The following CCDC92 variants were observed in gnomAD, a reference collection of about 807,000 sequenced individuals.
CCDC92 encodes the protein coiled-coil domain containing 92.
Under a neutral mutation model 24.9 loss-of-function variants are expected in CCDC92, and 12 were observed. That is an observed-to-expected ratio of 0.48 (90% CI 0.31 to 0.78). The LOEUF is 0.78. Among genes scored for constraint, CCDC92 ranks in the 30% least tolerant of loss-of-function variants. CCDC92 has a pLI of 0.05. For missense variants in CCDC92, 399 were observed against 439.4 expected, an observed-to-expected ratio of 0.91 and a Z score of 0.82; for synonymous variants, 193 against 196.3, an observed-to-expected ratio of 0.98 and a Z score of 0.14.
chr12:123,956,251 A>G (rs1295678534), intron 1 of CCDC92: 2 of 152,242 alleles, frequency 1.3e-5, no homozygotes, highest in Admixed American at 6.5e-5. Flanking sequence ...ATATTTTTAA[A>G]AGATAAACTT....
intron 1 of CCDC92, among the ~76,000 whole-genome samples, chr12:123,954,065 T>A (rs775392593): frequency 1.3e-5 from 2 of 152,248 alleles, no homozygotes. Flanking sequence ...TCTTTAATGA[T>A]GAACATATAG....
intron 1 of CCDC92, among the ~76,000 whole-genome samples, chr12:123,969,303 C>G (rs1956465369): frequency 6.6e-6 from 1 of 152,010 alleles, no homozygotes. Flanking sequence ...ATTTTAAAAA[C>G]CATGCAGACA....
chr12:123,948,518 GA>G (rs1955941493), intron 1 of CCDC92, among the ~76,000 whole-genome samples: 1 of 152,226 alleles, frequency 6.6e-6, no homozygotes, highest in Admixed American at 6.5e-5. Context: ...GGGAGAGTGT[GA>G]CCATGTAACG....
chr12:123,946,405 T>A lies in CCDC92; in HGVS notation c.-59-2041A>T, dbSNP rs933800102. The A allele has an allele frequency of 2.0e-5, 3 of 152,490 alleles. No individual in the cohort carries two copies. The East Asian group carries it at 5.8e-4, about 29-fold the overall frequency. 9.4% of individuals were successfully genotyped at this position (152,490 alleles called of 1,614,324 possible). On this transcript the variant is annotated intron_variant, in intron 1 of 4. Transcript: ENST00000238156. ...CTGCCCAGAACACTCTTCTTAGGCC[T>A]CTCTCCCACCCACCTCTCCTGGGTC...
intron 1 of CCDC92, among the ~76,000 whole-genome samples, chr12:123,958,864 T>C (rs1259206495): frequency 2.6e-5 from 4 of 152,236 alleles, no homozygotes; most frequent in African/African-American, 9.6e-5. Flanking sequence ...ATTGTGCCTA[T>C]GACAGGCCTA....
In CCDC92 at chr12:123,937,621, A is replaced by G. The variant is rs1269962386; in HGVS notation, c.433T>C (p.Ser145Pro). 6.8e-6 allele frequency: 11 copies of G among 1,613,716 alleles called. No homozygotes were observed. The highest frequency in any genetic ancestry group is 1.1e-5 in the South Asian group (1 of 91,062). ...CTGGCCCGCTGCTCCAGCTCGCTAG[A>G]CAGCAGGGTCAGCTTGTGACTCTTG... Reference protein sequence around the residue: ...KAKSHKLTLLSSELEQRASTI... With the variant: ...KAKSHKLTLLPSELEQRASTI... The change falls in exon 5 of 5, where the codon TCT becomes CCT. Residue 145 changes from serine to proline, a missense_variant. Transcript: ENST00000238156. This position sits in a 1 kb window ranked among gnomAD's most constrained non-coding sequence, Gnocchi z 8.4.
intron 1 of CCDC92, among the ~76,000 whole-genome samples, chr12:123,954,992 C>T (rs994688801): frequency 9.2e-5 from 14 of 152,314 alleles, no homozygotes; most frequent in African/African-American, 3.4e-4. Flanking sequence ...AGGAGGTGAC[C>T]GATGGGGCCA....
intron 1 of CCDC92, chr12:123,945,359 G>A (rs1955813905): frequency 6.6e-6 from 1 of 152,046 alleles, no homozygotes. Context: ...TAGGCTGCTG[G>A]GCCAGACACT....
intron 1 of CCDC92, among the ~76,000 whole-genome samples, chr12:123,950,245 G>C (rs1336470584): frequency 4.6e-5 from 7 of 151,992 alleles, no homozygotes; most frequent in Non-Finnish European, 8.8e-5. Flanking sequence ...TGAAACTGCA[G>C]AGGAAACGCA....
intron 1 of CCDC92, among the ~76,000 whole-genome samples, chr12:123,948,510 G>A (rs1955940898): frequency 6.6e-6 from 1 of 152,222 alleles, no homozygotes; most frequent in African/African-American, 2.4e-5. Context: ...GGCGAGCAGG[G>A]AGAGTGTGAC....
intron 1 of CCDC92, among the ~76,000 whole-genome samples, chr12:123,952,566 C>T (rs1249589767): frequency 6.6e-6 from 1 of 152,238 alleles, no homozygotes; most frequent in African/African-American, 2.4e-5. Flanking sequence ...ACTGATGTTA[C>T]TCTGAATTCA....
chr12:123,937,033 A>G lies in CCDC92; in HGVS notation c.*25T>C, dbSNP rs760815632. On this transcript the variant is annotated 3_prime_UTR_variant, in exon 5 of 5. Coordinates refer to ENST00000238156, the MANE Select transcript of CCDC92 (RefSeq NM_025140.3). This position sits in a 1 kb window ranked among gnomAD's most constrained non-coding sequence, Gnocchi z 8.4. Reference sequence around the variant, plus strand: ...CCAGTGGTGCTCACAGTGCATGGACAGCGCGGGGTGGGGCACGGCGGGCTT... The same window carrying G: ...CCAGTGGTGCTCACAGTGCATGGACGGCGCGGGGTGGGGCACGGCGGGCTT... 5.0e-6 allele frequency: 8 copies of G among 1,612,554 alleles called. No individual in the cohort carries two copies. The Admixed American group carries it at 5.0e-5, about 10-fold the overall frequency.
At chr12:123,944,543 C>T in intron 1 of CCDC92, 179 bp from the exon 2 acceptor site, 2 of 466,788 alleles carry the variant, frequency 4.3e-6, no homozygotes, top group Non-Finnish European at 7.4e-6. Flanking sequence ...TTTGGAGACA[C>T]TGACACACCC....
chr12:123,948,284 G>C (rs1221670150), intron 1 of CCDC92, among the ~76,000 whole-genome samples: 5 of 152,232 alleles, frequency 3.3e-5, no homozygotes, highest in African/African-American at 1.2e-4. Flanking sequence ...AATGTTATCA[G>C]CAGCCATCTC....
intron 1 of CCDC92, among the ~76,000 whole-genome samples, chr12:123,957,438 C>A (rs1594491426): frequency 6.6e-6 from 1 of 152,138 alleles, no homozygotes; most frequent in East Asian, 1.9e-4. Context: ...TGTGCACGCC[C>A]CACGATGCCT....
chr12:123,968,485 ATTTT>A (rs1226723669), intron 1 of CCDC92: 1 of 151,916 alleles, frequency 6.6e-6, no homozygotes, highest in Non-Finnish European at 1.5e-5. Flanking sequence ...AGTATCTGTG[ATTTT>A]TTTTCCTGAA....
chr12:123,950,975 C>T (rs1195680318), intron 1 of CCDC92, among the ~76,000 whole-genome samples: 3 of 152,146 alleles, frequency 2.0e-5, no homozygotes, highest in Admixed American at 1.3e-4. Context: ...TGGGTCCCCT[C>T]GGGGCTGGTG....
intron 1 of CCDC92, chr12:123,962,801 T>C (rs951711484): frequency 3.3e-4 from 50 of 152,290 alleles, no homozygotes; most frequent in African/African-American, 8.0e-4. Flanking sequence ...GTTTTTTTTT[T>C]CCCTCAGAGA....
At chr12:123,939,931 G>A (rs1045253892) in intron 4 of CCDC92, among the ~76,000 whole-genome samples, 3 of 152,202 alleles carry the variant, frequency 2.0e-5, no homozygotes, top group Non-Finnish European at 4.4e-5. Context: ...CATGCCTGTC[G>A]CAGGGCCTTT....
Sources: gnomAD v4.1 joint callset for allele counts (sites outside exome capture counted in the v4.1 genomes callset) on GRCh38, gnomAD v4.1.1 for gene constraint, Gnocchi (gnomAD v3.1) non-coding constraint, MANE v1.5 for transcripts, NCBI Gene and HGNC (gene_info 2026-07-23, HGNC 2026-07-21) for gene names.